The following RIMS2 variants were observed in gnomAD, a reference collection of about 807,000 sequenced individuals.
The protein encoded by RIMS2 is regulating synaptic membrane exocytosis 2.
RIMS2 carries 59 observed loss-of-function variants against 174.4 expected under a neutral mutation model. That is an observed-to-expected ratio of 0.34 (90% CI 0.27 to 0.42). The LOEUF is 0.42. Among genes scored for constraint, RIMS2 ranks in the 10% least tolerant of loss-of-function variants. The pLI is 1.00. For synonymous variants in RIMS2, 606 were observed against 572.5 expected, an observed-to-expected ratio of 1.06 and a Z score of -0.84; for missense variants, 1,620 against 1,666.3, an observed-to-expected ratio of 0.97 and a Z score of 0.48.
chr8:103,772,374 TAAAAAAAC>T (rs2098263618), intron 3 of RIMS2, among the ~76,000 whole-genome samples: 1 of 151,896 alleles, frequency 6.6e-6, no homozygotes, highest in Non-Finnish European at 1.5e-5. Flanking sequence ...AATGGAAATT[TAAAAAAAC>T]TTTAAGACCA....
intron 5 of RIMS2, 73 bp from the exon 8 acceptor site, chr8:103,910,247 CT>C: frequency 6.7e-7 from 1 of 1,501,570 alleles, no homozygotes; most frequent in Non-Finnish European, 9.1e-7. Context: ...TATCATTTCA[CT>C]TTTCCTTTTT....
At chr8:104,087,768 C>T (rs927223977) in intron 19 of RIMS2, among the ~76,000 whole-genome samples, 1 of 152,088 alleles carries the variant, frequency 6.6e-6, no homozygotes, top group African/African-American at 2.4e-5. Context: ...AAGAGGCCAT[C>T]AGGCCTGAGG....
chr8:103,778,442 A>C (rs2098343123), intron 3 of RIMS2, among the ~76,000 whole-genome samples: 2 of 152,026 alleles, frequency 1.3e-5, no homozygotes, highest in East Asian at 3.9e-4. Context: ...GGTAACCATC[A>C]ATCTACTTTC....
At chr8:103,564,363 A>G (rs891021413) in intron 1 of RIMS2, among the ~76,000 whole-genome samples, 1 of 152,182 alleles carries the variant, frequency 6.6e-6, no homozygotes, top group Non-Finnish European at 1.5e-5. Context: ...TCTCTAGAGG[A>G]ACAGAACTAA....
chr8:103,738,794 G>A (rs1331464343), intron 2 of RIMS2, among the ~76,000 whole-genome samples: 1 of 152,038 alleles, frequency 6.6e-6, no homozygotes, highest in East Asian at 1.9e-4. Flanking sequence ...ATCGTCACTG[G>A]CCATCAGAGA....
chr8:103,879,500 A>T (rs758493129), intron 3 of RIMS2, among the ~76,000 whole-genome samples: 1 of 151,506 alleles, frequency 6.6e-6, no homozygotes, highest in African/African-American at 2.4e-5. Context: ...AAAATGAATT[A>T]TTTTGAATTT....
downstream of RIMS2, chr8:104,252,059 G>C: frequency 1.8e-6 from 1 of 541,190 alleles, no homozygotes; most frequent in East Asian, 2.9e-5. Flanking sequence ...AATGACACTC[G>C]AGTTCTGGTC....
chr8:103,696,978 C>G lies in RIMS2; in HGVS notation c.177-108C>G, dbSNP rs537159261. ...AAATTAAATTTTCATTCTTTTTATT[C>G]TCATCTTGTATTTTTTTGGTTATAA... On this transcript the variant is annotated intron_variant, in intron 1 of 23. Transcript: ENST00000504942. The G allele has an allele frequency of 8.6e-6, 5 of 582,736 alleles. No individual in the cohort carries two copies. In the East Asian group the frequency reaches 1.2e-4, roughly 14 times the overall value. 36.1% of individuals were successfully genotyped at this position (582,736 alleles called of 1,614,324 possible). A position where few individuals can be genotyped will look rare whatever the true frequency, so the allele number is the denominator to read the frequency against.
intron 1 of RIMS2, among the ~76,000 whole-genome samples, chr8:103,598,703 AGT>A (rs1248578048): frequency 6.6e-6 from 1 of 152,156 alleles, no homozygotes; most frequent in East Asian, 1.9e-4. Flanking sequence ...TTCAGTGGCA[AGT>A]CTTGATCTCA....
intron 1 of RIMS2, among the ~76,000 whole-genome samples, chr8:103,615,198 G>A (rs564221457): frequency 2.0e-5 from 3 of 152,198 alleles, no homozygotes; most frequent in African/African-American, 7.2e-5. Context: ...TCAGACCATA[G>A]CGCAATAAAA....
At chr8:103,604,755 G>A (rs915730379) in intron 1 of RIMS2, among the ~76,000 whole-genome samples, 4 of 126,602 alleles carry the variant, frequency 3.2e-5, no homozygotes, top group Non-Finnish European at 5.0e-5. Context: ...TATTCTCTTT[G>A]AAGCAAGTGT....
rs188939341 is a variant in RIMS2, at chr8:104,249,531, G to A, written c.3634G>A (p.Val1212Ile). 2.5e-5 allele frequency: 40 copies of A among 1,612,768 alleles called. No individual in the cohort carries two copies. The African/African-American group carries it at 4.8e-4, about 19-fold the overall frequency. ...GATGGACAAAAAGGGACAGCTGGAGGTAGAAATCATCCGGGCCCGTGGCCT... is the reference window on the plus strand; with the variant it reads ...GATGGACAAAAAGGGACAGCTGGAGATAGAAATCATCCGGGCCCGTGGCCT... Residue 1212 changes from valine (V) to isoleucine (I), a missense_variant, in exon 22 of 24, where the codon GTA becomes ATA. Physicochemically the swap from Val to Ile is conservative, Grantham distance 29. This residue lies in a region of RIMS2 where 225 missense variants were observed against 306.2 expected (regional missense o/e 0.73). Transcript: ENST00000504942.
intron 3 of RIMS2, among the ~76,000 whole-genome samples, chr8:103,777,480 T>G (rs1700499254): frequency 6.6e-6 from 1 of 151,982 alleles, no homozygotes; most frequent in Non-Finnish European, 1.5e-5. Context: ...GTACTGGCTT[T>G]CATATTGAAA....
chr8:103,913,881 A>G (rs1235732730), intron 6 of RIMS2, among the ~76,000 whole-genome samples: 1 of 152,106 alleles, frequency 6.6e-6, no homozygotes, highest in African/African-American at 2.4e-5. Context: ...CTCAGGTTCT[A>G]CCTCCAGCAT....
chr8:103,832,675 T>C (rs56153183), intron 3 of RIMS2, among the ~76,000 whole-genome samples: 20,120 of 152,210 alleles, frequency 0.13, 1,763 homozygotes, highest in Non-Finnish European at 0.2. Flanking sequence ...CTAAGGATAA[T>C]GGCTTCCAGC....
At chr8:103,805,390 A>G (rs1030519992) in intron 3 of RIMS2, among the ~76,000 whole-genome samples, 1 of 152,148 alleles carries the variant, frequency 6.6e-6, no homozygotes, top group African/African-American at 2.4e-5. Flanking sequence ...TTTTTTAAAT[A>G]ACTAAGTCAG....
At chr8:103,589,067 G>A (rs1042819629) in intron 1 of RIMS2, among the ~76,000 whole-genome samples, 1 of 151,646 alleles carries the variant, frequency 6.6e-6, no homozygotes, top group Admixed American at 6.6e-5. Context: ...ATTCAGACAA[G>A]AGAAAGAAAT....
intron 13 of RIMS2, among the ~76,000 whole-genome samples, chr8:103,942,141 T>TCCTA (rs1275736773): frequency 6.6e-6 from 1 of 152,160 alleles, no homozygotes; most frequent in Admixed American, 6.5e-5. Flanking sequence ...CTTTCCCTCC[T>TCCTA]CCTACCCTCT....
chr8:104,061,697 A>G (rs2096994089), intron 19 of RIMS2, among the ~76,000 whole-genome samples: 1 of 151,034 alleles, frequency 6.6e-6, no homozygotes, highest in Non-Finnish European at 1.5e-5. Flanking sequence ...AATCTGTTTT[A>G]TAATTACTAA....
Sources: allele counts gnomAD v4.1 joint callset (sites outside exome capture counted in the v4.1 genomes callset), GRCh38; gene constraint gnomAD v4.1.1; regional missense constraint gnomAD v4.1.1; transcripts MANE v1.5; gene names NCBI Gene and HGNC (gene_info 2026-07-23, HGNC 2026-07-21).